ATP6AP2: variants seen among roughly 807,000 people sequenced by gnomAD.
ATP6AP2 encodes the protein renin receptor.
Under a neutral mutation model 23.4 loss-of-function variants are expected in ATP6AP2, and 1 was observed. The ratio of observed to expected loss-of-function variants is 0.04; its 90% CI spans 0.02 to 0.20. The LOEUF (loss-of-function observed/expected upper bound fraction) is 0.20. Among genes scored for constraint, ATP6AP2 ranks in the 10% least tolerant of loss-of-function variants. ATP6AP2 has a pLI of 1.00. For synonymous variants in ATP6AP2, 90 were observed against 97.1 expected (o/e 0.93, Z 0.43); for missense variants, 174 against 271.3 (o/e 0.64, Z 2.52).
rs1927057033 is a variant in ATP6AP2 at position 40,605,795 on chromosome X, TG to T, written c.*42del. On this transcript the variant is annotated 3_prime_UTR_variant, in exon 9 of 9. Coordinates refer to ENST00000636580, the MANE Select transcript of ATP6AP2 (RefSeq NM_005765.3). ...AGAATTAGAAAAGGGGGTTGGAAAT[TG>T]GCTGTTTTGTTAAAATATATCTTTT... 1 of 1,103,699 alleles carries T rather than the reference TG, an allele frequency of 9.1e-7. No individual in the cohort carries two copies. The highest frequency in any genetic ancestry group is 1.2e-6 in the Non-Finnish European group (1 of 800,387). The allele number at this position is 1,103,699 out of a possible 1,213,427, so 91.0% of individuals were successfully genotyped here. A position where few individuals can be genotyped will look rare whatever the true frequency, so the allele number is the denominator to read the frequency against.
intron 8 of ATP6AP2, among the ~76,000 whole-genome samples, chrX:40,604,546 G>A (rs1927021722): frequency 9.0e-6 from 1 of 111,434 alleles, no homozygotes; most frequent in African/African-American, 3.3e-5. Flanking sequence ...GACACGTGGG[G>A]ATTACAAATC....
At chrX:40,582,664 C>T (rs991171535) in intron 1 of ATP6AP2, among the ~76,000 whole-genome samples, 2 of 112,064 alleles carry the variant, frequency 1.8e-5, no homozygotes, top group Non-Finnish European at 3.8e-5. Context: ...TCTTTCTGAT[C>T]TACTGAGATA....
intron 3 of ATP6AP2, among the ~76,000 whole-genome samples, chrX:40,596,102 C>G (rs1926768458): frequency 9.1e-6 from 1 of 109,942 alleles, no homozygotes; most frequent in South Asian, 3.9e-4. Flanking sequence ...TCACTTGTAC[C>G]TGGGAGGTGG....
At chrX:40,586,133 A>G (rs1486686860) in intron 1 of ATP6AP2, among the ~76,000 whole-genome samples, 3 of 111,288 alleles carry the variant, frequency 2.7e-5, no homozygotes, top group African/African-American at 6.5e-5. Context: ...TCATTCATTA[A>G]CTCAACAAGT....
intron 5 of ATP6AP2, 182 bp from the exon 6 acceptor site, chrX:40,598,498 TG>T: frequency 2.1e-6 from 1 of 485,572 alleles, no homozygotes; most frequent in Non-Finnish European, 3.5e-6. Flanking sequence ...ATCACCTTTT[TG>T]TTAGGAAATA....
At chrX:40,587,859 G>A (rs1307295122) in intron 1 of ATP6AP2, among the ~76,000 whole-genome samples, 3 of 112,264 alleles carry the variant, frequency 2.7e-5, no homozygotes, top group African/African-American at 9.7e-5. Context: ...GGGTGACATA[G>A]CCAGACCCTG....
At position 40,605,748 on chromosome X, in the gene ATP6AP2, T is replaced by C; in HGVS notation, c.1046T>C (p.Met349Thr). ...AGGATGACAAACCAGAAGATTCGAA[T>C]GGATTGAATGTTACCTGTGCCAGAA... ...IYRMTNQKIR[M>T]D The change falls in exon 9 of 9, where the codon ATG becomes ACG. Residue 349 changes from methionine (M) to threonine (T), a missense_variant. Coordinates refer to ENST00000636580, the MANE Select transcript of ATP6AP2 (RefSeq NM_005765.3). The C allele has an allele frequency of 1.7e-6, 2 of 1,203,977 alleles. No individual in the cohort carries two copies. Among genetic ancestry groups the C allele is most frequent in the Non-Finnish European group, 2.2e-6 (2 of 888,970 alleles).
chrX:40,590,751 T>C (rs972302040), intron 2 of ATP6AP2: 1 of 122,843 alleles, frequency 8.1e-6, no homozygotes, highest in African/African-American at 3.2e-5. Flanking sequence ...ATTAGTAAAC[T>C]AATGATAGTT....
chrX:40,599,019 G>A (rs1176239763), intron 6 of ATP6AP2: 10 of 349,918 alleles, frequency 2.9e-5, no homozygotes, highest in Non-Finnish European at 1.0e-5. Context: ...TTGATTTCTT[G>A]TGAGACTTAA....
At position 40,591,252 on chromosome X, in the gene ATP6AP2, C is replaced by T. The variant is rs755067215; in HGVS notation, c.187C>T (p.Leu63Phe). 8.3e-7 allele frequency: 1 copy of T among 1,210,449 alleles called. No homozygotes were observed. Among genetic ancestry groups the T allele is most frequent in the Non-Finnish European group, 1.1e-6 (1 of 895,483 alleles). The change falls in exon 3 of 9, where the codon CTC becomes TTC. Residue 63 changes from leucine to phenylalanine, a missense_variant. Transcript: ENST00000636580. ...TGTTTAGGACCTTTCTTGGCCAGGA[C>T]TCGCAGTGGGTAACCTGTTTCATCG... ...SVKEDLSWPG[L>F]AVGNLFHRPR...
rs2146534517 is a variant in ATP6AP2 at position 40,581,114 on chromosome X, G to A, written c.37+12G>A. The A allele has an allele frequency of 4.3e-6, 5 of 1,159,240 alleles. No individual in the cohort carries two copies. Among genetic ancestry groups the A allele is most frequent in the Non-Finnish European group, 5.7e-6 (5 of 870,296 alleles). Reference sequence around the variant, plus strand: ...GGCGTTGGTGGCGGGTGAGGAGCCGGGGGCCGGCAGGACGTGCCTGGGGAG... The same window carrying A: ...GGCGTTGGTGGCGGGTGAGGAGCCGAGGGCCGGCAGGACGTGCCTGGGGAG... On this transcript the variant is annotated intron_variant, in intron 1 of 8. Coordinates refer to ENST00000636580, the MANE Select transcript of ATP6AP2 (RefSeq NM_005765.3).
At position 40,592,818 on chromosome X, in the gene ATP6AP2, C is replaced by G. The variant is rs180958375; in HGVS notation, c.300+1453C>G. 6.7e-3 allele frequency among the ~76,000 whole-genome samples: 740 copies of G among 109,804 alleles called. 7 individuals are homozygous for G. The highest frequency in any genetic ancestry group is 0.023 in the African/African-American group (703 of 30,053). ...ATAGATTATTTCCAAGTACACATGGCATACTTAGAAAAAATTACTGTGCAG... is the reference window on the plus strand; with the variant it reads ...ATAGATTATTTCCAAGTACACATGGGATACTTAGAAAAAATTACTGTGCAG... On this transcript the variant is annotated intron_variant, in intron 3 of 8. Coordinates refer to ENST00000636580, the MANE Select transcript of ATP6AP2 (RefSeq NM_005765.3).
intron 3 of ATP6AP2, among the ~76,000 whole-genome samples, chrX:40,593,469 A>G (rs963684336): frequency 9.1e-6 from 1 of 110,314 alleles, no homozygotes; most frequent in East Asian, 2.8e-4. Flanking sequence ...AAGGCTGTAT[A>G]GTATTCCATT....
chrX:40,588,907 CAT>C (rs1396547458), intron 1 of ATP6AP2, 77 bp from the exon 2 acceptor site: 21 of 1,073,005 alleles, frequency 2.0e-5, no homozygotes, highest in East Asian at 3.1e-5. Flanking sequence ...AATGGGGAAA[CAT>C]GTATTATATT....
At chrX:40,593,750 C>G (rs908400957) in intron 3 of ATP6AP2, among the ~76,000 whole-genome samples, 4 of 110,896 alleles carry the variant, frequency 3.6e-5, no homozygotes, top group Non-Finnish European at 7.5e-5. Flanking sequence ...TCAGGTGATC[C>G]ACCCACCTCA....
chrX:40,583,280 A>T, intron 1 of ATP6AP2, among the ~76,000 whole-genome samples: 2 of 111,818 alleles, frequency 1.8e-5, no homozygotes, highest in South Asian at 7.5e-4. Flanking sequence ...CCATTCGTAG[A>T]CGATAATAGC....
chrX:40,591,331 C>G lies in ATP6AP2; in HGVS notation c.266C>G (p.Pro89Arg). The G allele has an allele frequency of 8.3e-7, 1 of 1,211,006 alleles. No individual in the cohort carries two copies. Among genetic ancestry groups the G allele is most frequent in the Non-Finnish European group, 1.1e-6 (1 of 895,103 alleles). The change falls in exon 3 of 9, where the codon CCC becomes CGC. Residue 89 changes from proline to arginine, a missense_variant. Coordinates refer to ENST00000636580, the MANE Select transcript of ATP6AP2 (RefSeq NM_005765.3). ...MVKGVNKLAL[P>R]PGSVISYPLE... is the part of the protein sequence containing the mutation. Reference sequence around the variant, plus strand: ...AAGGGAGTGAACAAACTGGCTCTACCCCCAGGCAGTGTCATTTCGTACCCT... The same window carrying G: ...AAGGGAGTGAACAAACTGGCTCTACGCCCAGGCAGTGTCATTTCGTACCCT...
chrX:40,582,492 T>G (rs1232481241), intron 1 of ATP6AP2, among the ~76,000 whole-genome samples: 2 of 111,785 alleles, frequency 1.8e-5, no homozygotes, highest in Admixed American at 9.5e-5. Context: ...GTCCTGCTTG[T>G]GGAATGGCGA....
chrX:40,597,394 T>C (rs756186125), intron 4 of ATP6AP2, 50 bp downstream of exon 4: 1 of 1,081,061 alleles, frequency 9.3e-7, no homozygotes, highest in South Asian at 2.0e-5. Context: ...AAGCTTTTAT[T>C]ATTTGAAAAT....
Sources: allele counts gnomAD v4.1 joint callset (sites outside exome capture counted in the v4.1 genomes callset), GRCh38; gene constraint gnomAD v4.1.1; transcripts MANE v1.5; gene names NCBI Gene and HGNC (gene_info 2026-07-23, HGNC 2026-07-21).